The following LAMC1 variants were observed in gnomAD, a reference collection of about 807,000 sequenced individuals.
LAMC1 encodes the protein laminin subunit gamma-1.
In LAMC1, 38 loss-of-function variants were observed where a neutral mutation model predicts 173.6. The observed-to-expected ratio is 0.22, with a 90% confidence interval of 0.17 to 0.29. The LOEUF (loss-of-function observed/expected upper bound fraction) is 0.29, where lower values mean the gene tolerates loss of function less well. Among genes scored for constraint, LAMC1 ranks in the 10% least tolerant of loss-of-function variants. The probability of loss-of-function intolerance (pLI) is 1.00; values close to 1 mark genes in which losing one functional copy is unlikely to be tolerated. For synonymous variants in LAMC1, 746 were observed against 749.1 expected (o/e 1.00, Z 0.07); for missense variants, 1,824 against 2,051.8 (o/e 0.89, Z 2.14).
rs145263424 is a variant in LAMC1 at position 183,113,967 on chromosome 1, A to G, written c.1022-564A>G. The stretch of plus-strand genomic sequence containing the variant: ...TTTTCTAAGTACGAGAATTCCTTGT[A>G]TCTTACGATGGTGCTGTTTTTTAGA... On this transcript the variant is annotated intron_variant, in intron 4 of 27. Transcript: ENST00000258341. Among the ~76,000 whole-genome samples the G allele has an allele frequency of 1.6e-4, 24 of 152,338 alleles. 1 individual carries two copies. In the East Asian group the frequency reaches 3.3e-3, roughly 21 times the overall value.
chr1:183,042,383 A>G (rs1052785598), intron 1 of LAMC1, among the ~76,000 whole-genome samples: 1 of 152,212 alleles, frequency 6.6e-6, no homozygotes, highest in Non-Finnish European at 1.5e-5. Flanking sequence ...ATCTGCCACC[A>G]GAGAGAGCTT....
Position 183,142,857 on chromosome 1 carries a change from G to A in LAMC1, c.*67G>A. ...CAGTTGTGAGGCCACAGAGTGCCTT[G>A]ACACAAAGATTACATTTTTCAGACC... On this transcript the variant is annotated 3_prime_UTR_variant, in exon 28 of 28. Coordinates refer to ENST00000258341, the MANE Select transcript of LAMC1 (RefSeq NM_002293.4). The A allele has an allele frequency of 6.7e-7, 1 of 1,492,756 alleles. No individual in the cohort carries two copies. Among genetic ancestry groups the A allele is most frequent in the Non-Finnish European group, 9.0e-7 (1 of 1,106,884 alleles). The allele number at this position is 1,492,756 out of a possible 1,614,324, so 92.5% of individuals were successfully genotyped here. A position where few individuals can be genotyped will look rare whatever the true frequency, so the allele number is the denominator to read the frequency against.
At chr1:183,100,037 A>G (rs1655792880) in intron 1 of LAMC1, among the ~76,000 whole-genome samples, 1 of 152,226 alleles carries the variant, frequency 6.6e-6, no homozygotes, top group African/African-American at 2.4e-5. Flanking sequence ...ATGGAATGGG[A>G]AAAAGCAGCT....
chr1:183,137,632 CT>C, intron 25 of LAMC1, 36 bp from the exon 26 acceptor site: 2 of 1,461,176 alleles, frequency 1.4e-6, no homozygotes, highest in South Asian at 3.1e-5. Flanking sequence ...AAAAGGAAAG[CT>C]TTTTTAAAAA....
chr1:183,080,401 A>T (rs1655240349), intron 1 of LAMC1, among the ~76,000 whole-genome samples: 1 of 152,148 alleles, frequency 6.6e-6, no homozygotes, highest in African/African-American at 2.4e-5. Flanking sequence ...AAACTTGGAG[A>T]TGTGGACACT....
At chr1:183,133,152 C>A (rs1193692549) in intron 21 of LAMC1, among the ~76,000 whole-genome samples, 3 of 152,172 alleles carry the variant, frequency 2.0e-5, no homozygotes, top group Non-Finnish European at 4.4e-5. Context: ...CTGAAGTGAT[C>A]TGCTCACCTC....
At chr1:183,087,756 T>C (rs1196743859) in intron 1 of LAMC1, among the ~76,000 whole-genome samples, 2 of 152,186 alleles carry the variant, frequency 1.3e-5, no homozygotes, top group South Asian at 2.1e-4. Flanking sequence ...GCCATGTTGA[T>C]TAATGAAATT....
At chr1:183,119,394 C>T (rs527459258) in intron 11 of LAMC1, among the ~76,000 whole-genome samples, 2 of 152,064 alleles carry the variant, frequency 1.3e-5, no homozygotes, top group South Asian at 4.2e-4. Context: ...GAATCTGGGG[C>T]TTAGGAAGAG....
At chr1:183,135,727 AT>A (rs539426291) in intron 24 of LAMC1, among the ~76,000 whole-genome samples, 5,321 of 150,574 alleles carry the variant, frequency 0.035, 141 homozygotes, top group Non-Finnish European at 0.051. Flanking sequence ...ATAAAAAAAA[AT>A]TTTTTTTTTA....
intron 1 of LAMC1, among the ~76,000 whole-genome samples, chr1:183,074,001 C>T (rs1655070367): frequency 6.6e-6 from 1 of 152,168 alleles, no homozygotes; most frequent in African/African-American, 2.4e-5. Context: ...GCAGGATTTA[C>T]ACATGTTGAC....
At chr1:183,130,249 T>C in intron 18 of LAMC1, 95 bp from the exon 19 acceptor site, 1 of 1,127,082 alleles carries the variant, frequency 8.9e-7, no homozygotes, top group Non-Finnish European at 1.3e-6. Context: ...TTGCGATGTT[T>C]AGAAGAGTAG....
chr1:183,109,588 G>A (rs2102075259), intron 3 of LAMC1, among the ~76,000 whole-genome samples: 1 of 152,280 alleles, frequency 6.6e-6, no homozygotes, highest in East Asian at 1.9e-4. Flanking sequence ...GGACATCAAA[G>A]TTTGTGCAGC....
At chr1:183,046,957 T>A (rs898916936) in intron 1 of LAMC1, among the ~76,000 whole-genome samples, 1 of 152,290 alleles carries the variant, frequency 6.6e-6, no homozygotes, top group Non-Finnish European at 1.5e-5. Context: ...TATTTATTTC[T>A]GTAAGCTACC....
intron 26 of LAMC1, among the ~76,000 whole-genome samples, chr1:183,138,856 C>T (rs1272357782): frequency 1.3e-5 from 2 of 152,002 alleles, no homozygotes; most frequent in Non-Finnish European, 2.9e-5. Context: ...GAATTCGAGA[C>T]CAGCCTGGCC....
At chr1:183,067,055 C>T (rs1338158871) in intron 1 of LAMC1, among the ~76,000 whole-genome samples, 1 of 152,138 alleles carries the variant, frequency 6.6e-6, no homozygotes, top group African/African-American at 2.4e-5. Context: ...TATAGCTTTT[C>T]TGAAGTTATG....
At chr1:183,090,481 G>A (rs1655537902) in intron 1 of LAMC1, among the ~76,000 whole-genome samples, 1 of 152,166 alleles carries the variant, frequency 6.6e-6, no homozygotes, top group Non-Finnish European at 1.5e-5. Context: ...AGAAGGGGGT[G>A]TATTCGTTTA....
chr1:183,083,767 C>T (rs560522031), intron 1 of LAMC1, among the ~76,000 whole-genome samples: 1 of 152,166 alleles, frequency 6.6e-6, no homozygotes, highest in South Asian at 2.1e-4. Context: ...TAACATTTTA[C>T]GGGACAATTT....
chr1:183,099,839 C>T lies in LAMC1; in HGVS notation c.419-3489C>T, dbSNP rs1655788082. On this transcript the variant is annotated intron_variant, in intron 1 of 27. Transcript: ENST00000258341. ...ATCCAGCTCCCTACAGACATTTCCT[C>T]ATCTACTGACCTGCAGGCATCCCAG... is the stretch of plus-strand genomic sequence containing the variant. Among the ~76,000 whole-genome samples, 13 of 152,284 alleles carry T rather than the reference C, an allele frequency of 8.5e-5. No homozygotes were observed. The South Asian group carries it at 2.7e-3, about 32-fold the overall frequency.
intron 1 of LAMC1, among the ~76,000 whole-genome samples, chr1:183,057,123 C>T (rs79550811): frequency 6.6e-6 from 1 of 152,172 alleles, no homozygotes; most frequent in Non-Finnish European, 1.5e-5. Flanking sequence ...GATTCTTGAG[C>T]TTTCTAAAGT....
Sources: gnomAD v4.1 joint callset for allele counts (sites outside exome capture counted in the v4.1 genomes callset) on GRCh38, gnomAD v4.1.1 for gene constraint, MANE v1.5 for transcripts, NCBI Gene and HGNC (gene_info 2026-07-23, HGNC 2026-07-21) for gene names.